FUT8: variants seen among roughly 807,000 people sequenced by gnomAD.
FUT8 encodes the protein alpha-(1,6)-fucosyltransferase.
FUT8 carries 29 observed loss-of-function variants against 71.3 expected under a neutral mutation model. The observed-to-expected ratio is 0.41, with a 90% CI of 0.30 to 0.55. FUT8 has a LOEUF of 0.55. Among genes scored for constraint, FUT8 ranks in the 20% least tolerant of loss-of-function variants. The pLI, the probability that FUT8 is intolerant of heterozygous loss-of-function variation, is 0.34. For synonymous variants in FUT8, 254 were observed against 239.3 expected (o/e 1.06, Z -0.57); for missense variants, 544 against 702.1 (o/e 0.77, Z 2.55).
chr14:65,656,067 C>A (rs937320147), intron 6 of FUT8, among the ~76,000 whole-genome samples: 2 of 152,116 alleles, frequency 1.3e-5, no homozygotes, highest in Admixed American at 6.5e-5. Flanking sequence ...GGCCCACTTT[C>A]ACCACTGTTA....
intron 2 of FUT8, among the ~76,000 whole-genome samples, chr14:65,548,533 T>C (rs935917214): frequency 2.0e-5 from 3 of 152,072 alleles, no homozygotes; most frequent in African/African-American, 7.2e-5. Context: ...ATAAAGCTGC[T>C]GCAAACATTT....
intron 1 of FUT8, among the ~76,000 whole-genome samples, chr14:65,453,586 C>A (rs981756981): frequency 2.0e-4 from 30 of 152,148 alleles, no homozygotes; most frequent in Non-Finnish European, 4.1e-4. Flanking sequence ...TATTCTAGGG[C>A]AAATTTAGCC....
chr14:65,460,785 G>A (rs2065958590), intron 2 of FUT8, among the ~76,000 whole-genome samples: 1 of 152,162 alleles, frequency 6.6e-6, no homozygotes, highest in Admixed American at 6.5e-5. Flanking sequence ...TTTCAGTGGT[G>A]GCGATGAGGC....
At chr14:65,714,467 G>T in intron 7 of FUT8, among the ~76,000 whole-genome samples, 1 of 147,950 alleles carries the variant, frequency 6.8e-6, no homozygotes, top group African/African-American at 2.5e-5. Context: ...TTATTTAGTA[G>T]CCACAGAGTC....
At chr14:65,482,257 CA>C (rs1437983981) in intron 2 of FUT8, among the ~76,000 whole-genome samples, 1 of 151,790 alleles carries the variant, frequency 6.6e-6, no homozygotes, top group Non-Finnish European at 1.5e-5. Flanking sequence ...TGATTTTTGT[CA>C]AAAATCATTT....
rs1555366315 is a variant in FUT8, at chr14:65,508,491, G to GGTT, written c.-228+52773_-228+52774insGTT. Among the ~76,000 whole-genome samples the GGTT allele has an allele frequency of 2.7e-3, 125 of 46,496 alleles. 2 individuals carry two copies. Among genetic ancestry groups the GGTT allele is most frequent in the African/African-American group, 0.01 (120 of 11,834 alleles). 30.5% of individuals were successfully genotyped at this position (46,496 alleles called of 152,430 possible). ...AATTTTTTCCTGTAGAGTTGTTTGAGTTTTTTTTTTTTTTTTTTTTTTTTT... is the reference window on the plus strand; with the variant it reads ...AATTTTTTCCTGTAGAGTTGTTTGAGGTTTTTTTTTTTTTTTTTTTTTTTTTTT... On this transcript the variant is annotated intron_variant, in intron 2 of 10. Coordinates refer to ENST00000673929, the MANE Select transcript of FUT8 (RefSeq NM_001371533.1).
intron 7 of FUT8, among the ~76,000 whole-genome samples, chr14:65,695,547 T>A (rs1364051504): frequency 6.6e-6 from 1 of 152,212 alleles, no homozygotes; most frequent in East Asian, 1.9e-4. Flanking sequence ...TTGGTAGAGC[T>A]ACTCTAGCTT....
intron 7 of FUT8, among the ~76,000 whole-genome samples, chr14:65,692,880 C>A (rs1893754626): frequency 6.9e-6 from 1 of 144,110 alleles, no homozygotes; most frequent in Non-Finnish European, 1.5e-5. Context: ...GGTGGCGGGG[C>A]AGAGGCGCTC....
At chr14:65,387,312 C>A in the FUT8 span, among the ~76,000 whole-genome samples, 3 of 152,164 alleles carry the variant, frequency 2.0e-5, no homozygotes, top group Middle Eastern at 3.2e-3. Flanking sequence ...GAATCCTCAA[C>A]CTGATGCTCC....
chr14:65,482,262 A>C (rs1014801277), intron 2 of FUT8, among the ~76,000 whole-genome samples: 2 of 152,018 alleles, frequency 1.3e-5, no homozygotes, highest in African/African-American at 4.8e-5. Context: ...TTTGTCAAAA[A>C]TCATTTGACT....
chr14:65,685,599 G>A (rs1267228502), intron 7 of FUT8, among the ~76,000 whole-genome samples: 1 of 152,174 alleles, frequency 6.6e-6, no homozygotes, highest in African/African-American at 2.4e-5. Context: ...TACTCCATAC[G>A]CAGAGCAGCC....
At chr14:65,437,796 A>G (rs747663136) in intron 1 of FUT8, among the ~76,000 whole-genome samples, 4 of 152,204 alleles carry the variant, frequency 2.6e-5, no homozygotes, top group Non-Finnish European at 5.9e-5. Flanking sequence ...TATGGATGCA[A>G]GGAGAGAGGT....
In FUT8 at chr14:65,643,665, TACACACACACACACACACACAC is replaced by T. The variant is rs60967671; in HGVS notation, c.597+14088_597+14109del. On this transcript the variant is annotated intron_variant, in intron 6 of 10. Coordinates refer to ENST00000673929, the MANE Select transcript of FUT8 (RefSeq NM_001371533.1). The surrounding 1 kb of genome is among the most constrained non-coding windows in gnomAD (Gnocchi z 4.5). The stretch of plus-strand genomic sequence containing the variant: ...CGAGACTCCGTCTTTAAAAAAAAAA[TACACACACACACACACACACAC>T]ACACACACACACACACACACACACA... 7.8e-4 allele frequency among the ~76,000 whole-genome samples: 97 copies of T among 124,738 alleles called. No homozygotes were observed. Among genetic ancestry groups the T allele is most frequent in the Non-Finnish European group, 1.2e-3 (73 of 61,882 alleles). The allele number at this position is 124,738 out of a possible 152,430, so 81.8% of individuals were successfully genotyped here.
At chr14:65,464,031 C>T (rs758717465) in intron 2 of FUT8, among the ~76,000 whole-genome samples, 10 of 152,262 alleles carry the variant, frequency 6.6e-5, no homozygotes, top group African/African-American at 1.2e-4. Flanking sequence ...GGAGGAAAAC[C>T]GTGTTGAACA....
intron 7 of FUT8, among the ~76,000 whole-genome samples, chr14:65,671,423 C>T (rs1435554983): frequency 6.6e-6 from 1 of 152,116 alleles, no homozygotes; most frequent in Admixed American, 6.5e-5. Context: ...ATGTAGAAAG[C>T]ATCCTTTCTT....
chr14:65,607,548 GT>G lies in FUT8; in HGVS notation c.204-8429del, dbSNP rs762644809. ...GTATTCTTAGGATAAAGTTGAGATA[GT>G]CATGTATTTTTAAATATATTGCTGT... On this transcript the variant is annotated intron_variant, in intron 3 of 10. Coordinates refer to ENST00000673929, the MANE Select transcript of FUT8 (RefSeq NM_001371533.1). This position sits in a 1 kb window ranked among gnomAD's most constrained non-coding sequence, Gnocchi z 4.1. Among the ~76,000 whole-genome samples the G allele has an allele frequency of 1.3e-5, 2 of 151,794 alleles. No individual in the cohort carries two copies. The highest frequency in any genetic ancestry group is 2.9e-5 in the Non-Finnish European group (2 of 67,908).
At chr14:65,720,518 A>T (rs923634564) in intron 7 of FUT8, among the ~76,000 whole-genome samples, 1 of 152,142 alleles carries the variant, frequency 6.6e-6, no homozygotes, top group African/African-American at 2.4e-5. Flanking sequence ...TTCCCTCTCT[A>T]CTGCTCAAGT....
chr14:65,519,174 A>G (rs550519480), intron 2 of FUT8, among the ~76,000 whole-genome samples: 1 of 152,344 alleles, frequency 6.6e-6, no homozygotes, highest in South Asian at 2.1e-4. Flanking sequence ...TTAGTGAGGA[A>G]GTGGAACGTG....
At chr14:65,494,714 T>G (rs2066533600) in intron 2 of FUT8, among the ~76,000 whole-genome samples, 1 of 152,134 alleles carries the variant, frequency 6.6e-6, no homozygotes, top group African/African-American at 2.4e-5. Context: ...CATCTAGGTT[T>G]TAAGCCCCGC....
Sources: gnomAD v4.1 joint callset for allele counts (sites outside exome capture counted in the v4.1 genomes callset) on GRCh38, gnomAD v4.1.1 for gene constraint, Gnocchi (gnomAD v3.1) non-coding constraint, MANE v1.5 for transcripts, NCBI Gene and HGNC (gene_info 2026-07-23, HGNC 2026-07-21) for gene names.